Variants in SGCZ observed in about 807,000 individuals in gnomAD.
SGCZ encodes the protein zeta-sarcoglycan.
In SGCZ, 40 loss-of-function variants were observed where a neutral mutation model predicts 41.3. The observed-to-expected ratio is 0.97, with a 90% CI of 0.75 to 1.26. The LOEUF is 1.26. Ranked by LOEUF, SGCZ falls within the 50% of genes most tolerant of loss-of-function variation. The pLI is 0.00. For missense variants in SGCZ, 552 were observed against 369.8 expected (o/e 1.49, Z -4.04); for synonymous variants, 206 against 137.5 (o/e 1.50, Z -3.49).
intron 2 of SGCZ, among the ~76,000 whole-genome samples, chr8:14,481,039 C>A (rs76074787): frequency 0.01 from 1,567 of 151,994 alleles, 31 homozygotes; most frequent in African/African-American, 0.035. Flanking sequence ...AGGCTTCCAA[C>A]AAACTAGAAG....
intron 1 of SGCZ, among the ~76,000 whole-genome samples, chr8:15,192,360 C>T (rs1378347068): frequency 6.6e-6 from 1 of 151,984 alleles, no homozygotes; most frequent in Non-Finnish European, 1.5e-5. Flanking sequence ...TTAAAATACA[C>T]CTGAATTTTA....
intron 2 of SGCZ, among the ~76,000 whole-genome samples, chr8:14,499,291 A>G (rs1405349653): frequency 6.6e-6 from 1 of 152,038 alleles, no homozygotes; most frequent in East Asian, 1.9e-4. Context: ...TTTTCTTAAC[A>G]TATTGTTCCT....
chr8:14,526,193 G>A (rs143553036), intron 2 of SGCZ, among the ~76,000 whole-genome samples: 8 of 152,110 alleles, frequency 5.3e-5, no homozygotes, highest in African/African-American at 1.9e-4. Flanking sequence ...CATGCCTGAA[G>A]CCAATATTAC....
intron 4 of SGCZ, among the ~76,000 whole-genome samples, chr8:14,169,843 T>A (rs1233032460): frequency 6.6e-6 from 1 of 152,106 alleles, no homozygotes; most frequent in Non-Finnish European, 1.5e-5. Flanking sequence ...TGTACCTCCA[T>A]ATGGATGCAG....
At chr8:15,116,622 T>C (rs1338570135) in intron 1 of SGCZ, among the ~76,000 whole-genome samples, 2 of 152,184 alleles carry the variant, frequency 1.3e-5, no homozygotes, top group Non-Finnish European at 2.9e-5. Flanking sequence ...AAAGGGTATA[T>C]CCACAGGAAG....
intron 1 of SGCZ, among the ~76,000 whole-genome samples, chr8:15,113,549 G>A (rs1329307155): frequency 6.6e-6 from 1 of 151,954 alleles, no homozygotes; most frequent in Non-Finnish European, 1.5e-5. Context: ...ATCTGACTTC[G>A]GTGCCTGCCT....
intron 3 of SGCZ, among the ~76,000 whole-genome samples, chr8:14,301,090 C>A (rs956463229): frequency 2.0e-5 from 3 of 151,848 alleles, no homozygotes; most frequent in Non-Finnish European, 4.4e-5. Context: ...TCATCATCAT[C>A]ATCATCAATT....
At chr8:14,850,245 G>A (rs1803266983) in intron 1 of SGCZ, among the ~76,000 whole-genome samples, 1 of 152,066 alleles carries the variant, frequency 6.6e-6, no homozygotes. Context: ...ACAATTTACT[G>A]AACAGTTAAA....
intron 1 of SGCZ, among the ~76,000 whole-genome samples, chr8:15,089,498 C>CGT (rs79593936): frequency 0.031 from 4,781 of 151,964 alleles, 100 homozygotes; most frequent in South Asian, 0.055. Context: ...TGAAGTTTTA[C>CGT]CATACAGTGA....
chr8:14,883,679 G>C (rs957651006), intron 1 of SGCZ, among the ~76,000 whole-genome samples: 3 of 150,456 alleles, frequency 2.0e-5, no homozygotes, highest in Non-Finnish European at 3.0e-5. Flanking sequence ...ACCCAGCTTG[G>C]TTTCTAGATT....
chr8:14,398,069 T>G (rs907084364), intron 2 of SGCZ, among the ~76,000 whole-genome samples: 1 of 152,050 alleles, frequency 6.6e-6, no homozygotes, highest in African/African-American at 2.4e-5. Flanking sequence ...TGACATCAAC[T>G]CAAGGGACCC....
At chr8:14,916,258 G>A (rs1449546165) in intron 1 of SGCZ, among the ~76,000 whole-genome samples, 1 of 152,130 alleles carries the variant, frequency 6.6e-6, no homozygotes, top group Non-Finnish European at 1.5e-5. Flanking sequence ...TAATGTAAGT[G>A]TAACTCAAAC....
At chr8:14,362,971 T>A (rs564653245) in intron 2 of SGCZ, among the ~76,000 whole-genome samples, 1 of 152,338 alleles carries the variant, frequency 6.6e-6, no homozygotes, top group East Asian at 1.9e-4. Context: ...GTTTTTAAAA[T>A]GACTTTACAG....
chr8:14,926,692 G>A (rs1411710257), intron 1 of SGCZ, among the ~76,000 whole-genome samples: 1 of 151,952 alleles, frequency 6.6e-6, no homozygotes, highest in African/African-American at 2.4e-5. Flanking sequence ...CCAGACTGGA[G>A]TGCAGTGGCA....
intron 1 of SGCZ, among the ~76,000 whole-genome samples, chr8:15,065,421 T>A (rs937658174): frequency 1.3e-3 from 103 of 81,294 alleles, no homozygotes; most frequent in South Asian, 3.6e-3. Context: ...TTGTAATTAT[T>A]ATTATTATTA....
chr8:15,085,693 G>T (rs916373621), intron 1 of SGCZ, among the ~76,000 whole-genome samples: 3 of 152,080 alleles, frequency 2.0e-5, no homozygotes, highest in Non-Finnish European at 4.4e-5. Flanking sequence ...ATTTCTCCTG[G>T]ATATTCTACC....
intron 3 of SGCZ, among the ~76,000 whole-genome samples, chr8:14,297,609 T>C (rs1801058399): frequency 6.6e-6 from 1 of 151,802 alleles, no homozygotes; most frequent in Non-Finnish European, 1.5e-5. Context: ...ATAGGAGATA[T>C]TATAAAGACT....
At chr8:14,156,663 T>C (rs1432626071) in intron 5 of SGCZ, among the ~76,000 whole-genome samples, 1 of 152,216 alleles carries the variant, frequency 6.6e-6, no homozygotes, top group African/African-American at 2.4e-5. Context: ...TTCAAAACTA[T>C]TTTCTTTCTT....
chr8:14,150,966 A>G (rs1163988229), intron 5 of SGCZ, among the ~76,000 whole-genome samples: 1 of 152,196 alleles, frequency 6.6e-6, no homozygotes, highest in African/African-American at 2.4e-5. Context: ...TGTGGGACCT[A>G]AAAATCACAA....
Sources: gnomAD v4.1 joint callset for allele counts (sites outside exome capture counted in the v4.1 genomes callset) on GRCh38, gnomAD v4.1.1 for gene constraint, MANE v1.5 for transcripts, NCBI Gene and HGNC (gene_info 2026-07-23, HGNC 2026-07-21) for gene names.